TOP1MT: variants seen among roughly 807,000 people sequenced by gnomAD.
TOP1MT encodes DNA topoisomerase I mitochondrial, also known as DNA topoisomerase I, mitochondrial.
Under a neutral mutation model 73.9 loss-of-function variants are expected in TOP1MT, and 80 were observed. That is an observed-to-expected ratio of 1.08 (90% CI 0.90 to 1.30). The LOEUF is 1.30. Ranked by LOEUF, TOP1MT falls within the 50% of genes most tolerant of loss-of-function variation. TOP1MT has a pLI of 0.00. For missense variants in TOP1MT, 815 were observed against 808.0 expected (o/e 1.01, Z -0.10); for synonymous variants, 338 against 326.4 (o/e 1.04, Z -0.38).
intron 10 of TOP1MT, 29 bp downstream of exon 10, chr8:143,317,694 C>A: frequency 6.3e-7 from 1 of 1,597,242 alleles, no homozygotes; most frequent in Non-Finnish European, 8.6e-7. Flanking sequence ...GCTCCCCCCG[C>A]GCTGAGTGTG....
At position 143,317,806 on chromosome 8, in the gene TOP1MT, A is replaced by G. The variant is rs1436826527; in HGVS notation, c.1247T>C (p.Leu416Pro). The change falls in exon 10 of 14, where the codon CTG becomes CCG. Residue 416 changes from leucine to proline, a missense_variant. This residue lies in a region of TOP1MT where 751 missense variants were observed against 725.4 expected (regional missense o/e 1.04). Coordinates refer to ENST00000329245, the MANE Select transcript of TOP1MT (RefSeq NM_052963.3). ...TTSLNKHLQE[L>P]MDGLTAKVFR... Reference sequence around the variant, plus strand: ...CACCTTGGCCGTCAGCCCGTCCATCAGCTCCTGGAGGTGCTTGTTCAGGCT... The same window carrying G: ...CACCTTGGCCGTCAGCCCGTCCATCGGCTCCTGGAGGTGCTTGTTCAGGCT... 1 of 1,614,078 alleles carries G rather than the reference A, an allele frequency of 6.2e-7. No individual in the cohort carries two copies. Among genetic ancestry groups the G allele is most frequent in the Non-Finnish European group, 8.5e-7 (1 of 1,180,038 alleles).
chr8:143,324,142 C>A lies in TOP1MT; in HGVS notation c.817G>T (p.Gly273Trp), dbSNP rs146854602. ...IMLNPCSKLKGETAWQKFETA... is the reference protein window; with the variant it reads ...IMLNPCSKLKWETAWQKFETA... ...TCAAACTTCTGCCAAGCTGTCTCCC[C>A]CTAAACGAAGAAAATAACAGGAAAG... is the stretch of plus-strand genomic sequence containing the variant. The change falls in exon 7 of 14, where the codon GGG becomes TGG. Residue 273 changes from glycine (G) to tryptophan (W), a missense_variant and splice_region_variant. Physicochemically the swap from Gly to Trp is radical, Grantham distance 184. This residue lies in a region of TOP1MT where 751 missense variants were observed against 725.4 expected (regional missense o/e 1.04). Coordinates refer to ENST00000329245, the MANE Select transcript of TOP1MT (RefSeq NM_052963.3). 9.9e-6 allele frequency: 16 copies of A among 1,612,934 alleles called. No individual in the cohort carries two copies. In the Admixed American group the frequency reaches 1.3e-4, roughly 13 times the overall value.
rs1586759042 is a variant in TOP1MT, at chr8:143,322,266, C to T, written c.961-880G>A. Reference sequence around the variant, plus strand: ...GCCACACACGCACGCCACACACACACGCCACACACATGCACGCCACACACA... The same window carrying T: ...GCCACACACGCACGCCACACACACATGCCACACACATGCACGCCACACACA... On this transcript the variant is annotated intron_variant, in intron 7 of 13. Coordinates refer to ENST00000329245, the MANE Select transcript of TOP1MT (RefSeq NM_052963.3). Among the ~76,000 whole-genome samples, 2 of 39,604 alleles carry T rather than the reference C, an allele frequency of 5.0e-5. 1 individual carries two copies. Among genetic ancestry groups the T allele is most frequent in the Non-Finnish European group, 9.3e-5 (2 of 21,500 alleles). The allele number at this position is 39,604 out of a possible 152,430, so 26.0% of individuals were successfully genotyped here.
chr8:143,359,570 C>A (rs35909684), upstream of TOP1MT, among the ~76,000 whole-genome samples: 9,323 of 105,198 alleles, frequency 0.089, 386 homozygotes, highest in Middle Eastern at 0.11. Context: ...GGACACCGAG[C>A]GGGAGGGGTA....
chr8:143,335,094 G>A (rs543906553), upstream of TOP1MT, among the ~76,000 whole-genome samples: 4 of 152,350 alleles, frequency 2.6e-5, no homozygotes, highest in East Asian at 1.9e-4. Context: ...CACGCTGGGC[G>A]GGGACCCAGA....
intron 1 of TOP1MT, among the ~76,000 whole-genome samples, chr8:143,332,073 G>C (rs965893118): frequency 2.0e-5 from 3 of 152,128 alleles, no homozygotes; most frequent in Non-Finnish European, 4.4e-5. Flanking sequence ...GGTGTTGGAG[G>C]GGGTGGGGGG....
intron 3 of TOP1MT, chr8:143,327,926 G>A (rs1021295943): frequency 9.1e-6 from 3 of 331,108 alleles, no homozygotes; most frequent in African/African-American, 4.4e-5. Context: ...AAACCAAGCT[G>A]ACCTCAATGG....
At chr8:143,325,181 G>A (rs550142219) in intron 5 of TOP1MT, among the ~76,000 whole-genome samples, 165 bp downstream of exon 5, 8 of 152,274 alleles carry the variant, frequency 5.3e-5, no homozygotes, top group Non-Finnish European at 7.4e-5. Flanking sequence ...TGGGAAGGCC[G>A]CCCTTGCCCG....
intron 7 of TOP1MT, among the ~76,000 whole-genome samples, chr8:143,323,396 G>C (rs1362730674): frequency 4.5e-5 from 3 of 66,960 alleles, no homozygotes; most frequent in African/African-American, 1.3e-4. Flanking sequence ...CACACACACA[G>C]GCACGCCACA....
At chr8:143,315,152 C>T (rs1586749523) in intron 12 of TOP1MT, among the ~76,000 whole-genome samples, 1 of 152,244 alleles carries the variant, frequency 6.6e-6, no homozygotes, top group East Asian at 1.9e-4. Context: ...TCCTCCACCT[C>T]TTGTGGAGGG....
intron 4 of TOP1MT, 137 bp downstream of exon 4, chr8:143,326,085 C>CTAA (rs1430332769): frequency 8.9e-6 from 9 of 1,012,374 alleles, no homozygotes; most frequent in Non-Finnish European, 1.3e-5. Flanking sequence ...TGCAGGGGCG[C>CTAA]TAAGGCTGAC....
At chr8:143,349,569 T>A (rs1817286437), upstream of TOP1MT, among the ~76,000 whole-genome samples, 1 of 152,082 alleles carries the variant, frequency 6.6e-6, no homozygotes, top group Non-Finnish European at 1.5e-5. Flanking sequence ...ACCACTCTGG[T>A]CTGTGTGTAT....
intron 10 of TOP1MT, 35 bp from the exon 11 acceptor site, chr8:143,316,161 G>A (rs201251462): frequency 6.2e-5 from 100 of 1,613,280 alleles, no homozygotes; most frequent in Non-Finnish European, 7.6e-5. Context: ...CAGCACCCAC[G>A]GGGCCGGCCA....
chr8:143,332,285 T>C (rs1010485010), intron 1 of TOP1MT, among the ~76,000 whole-genome samples: 9 of 152,134 alleles, frequency 5.9e-5, no homozygotes, highest in African/African-American at 2.2e-4. Flanking sequence ...GGGGCGTGGC[T>C]GGCAGGCAGT....
chr8:143,333,244 C>T (rs1162453584), intron 1 of TOP1MT, among the ~76,000 whole-genome samples: 1 of 152,048 alleles, frequency 6.6e-6, no homozygotes, highest in African/African-American at 2.4e-5. Flanking sequence ...GCCAGGAGTT[C>T]GAGACCCGCC....
chr8:143,313,048 G>A (rs534785858), intron 12 of TOP1MT, among the ~76,000 whole-genome samples: 3 of 152,256 alleles, frequency 2.0e-5, no homozygotes, highest in Non-Finnish European at 4.4e-5. Context: ...ACATCTGGCT[G>A]TCCACATGCA....
intron 3 of TOP1MT, chr8:143,327,737 C>T (rs1374296465): frequency 1.2e-5 from 5 of 429,082 alleles, no homozygotes; most frequent in Admixed American, 2.6e-5. Context: ...ACAAAGCTGT[C>T]GTGAAAGGCA....
At chr8:143,347,462 G>GTAGAGACAAAATTTTTTTTTGTCTC (rs1817245181), upstream of TOP1MT, among the ~76,000 whole-genome samples, 1 of 152,092 alleles carries the variant, frequency 6.6e-6, no homozygotes, top group African/African-American at 2.4e-5. Context: ...GCTAATTTTT[G>GTAGAGACAAAATTTTTTTTTGTCTC]TATTTTTTAG....
At chr8:143,326,454 C>T (rs1816711853) in intron 3 of TOP1MT, 110 bp from the exon 4 acceptor site, 2 of 1,466,084 alleles carry the variant, frequency 1.4e-6, no homozygotes, top group Non-Finnish European at 1.9e-6. Context: ...CCGACGGAGG[C>T]GTGTGTGCAA....
Sources: gnomAD v4.1 joint callset for allele counts (sites outside exome capture counted in the v4.1 genomes callset) on GRCh38, gnomAD v4.1.1 for gene constraint, gnomAD v4.1.1 regional missense constraint, MANE v1.5 for transcripts, NCBI Gene and HGNC (gene_info 2026-07-23, HGNC 2026-07-21) for gene names.